The following ANK2 variants were observed in gnomAD, a reference collection of about 807,000 sequenced individuals.
ANK2 encodes ankyrin 2, also known as ankyrin-2.
ANK2 carries 83 observed loss-of-function variants against 360.5 expected under a neutral mutation model. That is an observed-to-expected ratio of 0.23 (90% confidence interval 0.19 to 0.28). The LOEUF (loss-of-function observed/expected upper bound fraction) is 0.28. Ranked by LOEUF, ANK2 falls within the 10% of genes least tolerant of loss-of-function variation. The pLI is 1.00. For missense variants in ANK2, 4,201 were observed against 4,795.7 expected (o/e 0.88, Z 3.66); for synonymous variants, 1,740 against 1,759.5 (o/e 0.99, Z 0.28).
At chr4:112,752,967 C>T in the ANK2 span, among the ~76,000 whole-genome samples, 1 of 152,094 alleles carries the variant, frequency 6.6e-6, no homozygotes, top group South Asian at 2.1e-4. Flanking sequence ...CGCTGGCCTC[C>T]CACTCTTCTA....
the ANK2 span, among the ~76,000 whole-genome samples, chr4:112,743,156 T>G: frequency 6.6e-6 from 1 of 152,208 alleles, no homozygotes; most frequent in Admixed American, 6.5e-5. Flanking sequence ...AGGCTGACCA[T>G]TTTAATGGTG....
At chr4:112,713,293 G>A in the ANK2 span, among the ~76,000 whole-genome samples, 2 of 152,042 alleles carry the variant, frequency 1.3e-5, no homozygotes, top group African/African-American at 2.4e-5. Context: ...CCAGGTTGGG[G>A]CAGTGATGAA....
chr4:113,306,632 A>G (rs914756009), intron 23 of ANK2, among the ~76,000 whole-genome samples: 1 of 152,226 alleles, frequency 6.6e-6, no homozygotes, highest in Admixed American at 6.5e-5. Flanking sequence ...TGCTAGGTAC[A>G]TGTCTCATTT....
chr4:112,823,178 A>G (rs1031370156), intron 1 of ANK2, among the ~76,000 whole-genome samples: 3 of 152,222 alleles, frequency 2.0e-5, no homozygotes, highest in Admixed American at 2.0e-4. Context: ...CTCAAATTCA[A>G]TACAGAGGTC....
At chr4:113,048,266 ATATATATATATTTTTTTTTT>A (rs1261577244), upstream of ANK2, among the ~76,000 whole-genome samples, 23 of 82,754 alleles carry the variant, frequency 2.8e-4, no homozygotes, top group African/African-American at 1.6e-3. Context: ...ATATATATAT[ATATATATATATTTTTTTTTT>A]TTTTTTTTTT....
chr4:113,048,246 GTGTATATA>G (rs376514930), upstream of ANK2, among the ~76,000 whole-genome samples: 2,694 of 54,542 alleles, frequency 0.049, 151 homozygotes, highest in Middle Eastern at 0.076. Context: ...ATCTACAAGT[GTGTATATA>G]TATATATATA....
At chr4:113,184,664 A>G (rs1408562106) in intron 2 of ANK2, among the ~76,000 whole-genome samples, 1 of 152,042 alleles carries the variant, frequency 6.6e-6, no homozygotes, top group Non-Finnish European at 1.5e-5. Context: ...GATTTTGCCA[A>G]CTGATGTTCT....
chr4:112,973,246 A>G (rs957555468), intron 2 of ANK2, among the ~76,000 whole-genome samples: 4 of 152,274 alleles, frequency 2.6e-5, no homozygotes, highest in African/African-American at 4.8e-5. Context: ...AGAGATTGAA[A>G]TGCATGTCTT....
chr4:112,739,035 G>A, the ANK2 span: 1 of 594,902 alleles, frequency 1.7e-6, no homozygotes, highest in Non-Finnish European at 3.2e-6. Flanking sequence ...AGCCATCATG[G>A]AAAGTTCTGT....
At chr4:112,977,921 T>C (rs1212804060) in intron 2 of ANK2, among the ~76,000 whole-genome samples, 1 of 152,172 alleles carries the variant, frequency 6.6e-6, no homozygotes, top group African/African-American at 2.4e-5. Flanking sequence ...TTAAATAAGA[T>C]TCAGGCAAAA....
chr4:113,321,865 T>C (rs571933324), intron 26 of ANK2, among the ~76,000 whole-genome samples: 2 of 152,152 alleles, frequency 1.3e-5, no homozygotes, highest in South Asian at 4.1e-4. Flanking sequence ...CCTGAGTAGC[T>C]GGTACTACAG....
chr4:113,260,359 A>G (rs1309509215), intron 13 of ANK2, among the ~76,000 whole-genome samples: 1 of 152,222 alleles, frequency 6.6e-6, no homozygotes, highest in East Asian at 1.9e-4. Context: ...TTCAAATTTG[A>G]CAATCATTAT....
At chr4:113,255,700 A>T in intron 10 of ANK2, 35 bp from the exon 11 acceptor site, 1 of 1,609,558 alleles carries the variant, frequency 6.2e-7, no homozygotes, top group Non-Finnish European at 8.5e-7. Flanking sequence ...ATGAAAAAAA[A>T]AAAGGACATT....
chr4:112,724,393 G>T, the ANK2 span, among the ~76,000 whole-genome samples: 1 of 152,058 alleles, frequency 6.6e-6, no homozygotes, highest in African/African-American at 2.4e-5. Context: ...TGAGATTATT[G>T]ATTCATTTGA....
chr4:113,035,820 A>G (rs914747732), intron 2 of ANK2, among the ~76,000 whole-genome samples: 2 of 151,966 alleles, frequency 1.3e-5, no homozygotes, highest in Non-Finnish European at 2.9e-5. Context: ...TTAACAAAGG[A>G]AAAACAAAAT....
intron 22 of ANK2, among the ~76,000 whole-genome samples, chr4:113,297,931 G>A (rs1046427252): frequency 6.6e-6 from 1 of 151,912 alleles, no homozygotes; most frequent in Non-Finnish European, 1.5e-5. Flanking sequence ...TAGGTGGGCA[G>A]GTGCCACCAC....
chr4:113,306,266 C>T (rs544922246), intron 23 of ANK2, among the ~76,000 whole-genome samples: 8 of 152,202 alleles, frequency 5.3e-5, no homozygotes, highest in South Asian at 2.1e-4. Flanking sequence ...GTCTCATGAA[C>T]GTGCTAAGAG....
chr4:113,342,841 A>G (rs1452356825), intron 33 of ANK2, among the ~76,000 whole-genome samples, 176 bp from the exon 34 acceptor site: 1 of 152,238 alleles, frequency 6.6e-6, no homozygotes, highest in Non-Finnish European at 1.5e-5. Flanking sequence ...ACTAGTAAGA[A>G]GAAAGAGTGC....
At chr4:112,938,825 T>G (rs2093969553) in intron 2 of ANK2, among the ~76,000 whole-genome samples, 1 of 152,214 alleles carries the variant, frequency 6.6e-6, no homozygotes, top group Admixed American at 6.5e-5. Flanking sequence ...TAACAGCTCA[T>G]CACTGAAATG....
Sources: allele counts gnomAD v4.1 joint callset (sites outside exome capture counted in the v4.1 genomes callset), GRCh38; gene constraint gnomAD v4.1.1; transcripts MANE v1.5; gene names NCBI Gene and HGNC (gene_info 2026-07-23, HGNC 2026-07-21).